Variants in ADGRG5 observed in about 807,000 individuals in gnomAD.
The protein encoded by ADGRG5 is G protein-coupled receptor 114.
In ADGRG5, 37 loss-of-function variants were observed where a neutral mutation model predicts 53.2. That is an observed-to-expected ratio of 0.70 (90% CI 0.53 to 0.91). The LOEUF (loss-of-function observed/expected upper bound fraction) is 0.91, where lower values mean the gene tolerates loss of function less well. Among genes scored for constraint, ADGRG5 ranks in the 40% least tolerant of loss-of-function variants. The pLI is 0.00. For synonymous variants in ADGRG5, 277 were observed against 290.4 expected, an observed-to-expected ratio of 0.95 and a Z score of 0.47; for missense variants, 614 against 675.8, an observed-to-expected ratio of 0.91 and a Z score of 1.01.
upstream of ADGRG5, among the ~76,000 whole-genome samples, chr16:57,538,920 A>G (rs1307546586): frequency 6.6e-6 from 1 of 152,188 alleles, no homozygotes; most frequent in Non-Finnish European, 1.5e-5. Flanking sequence ...AACTTGCCAC[A>G]AATAGAAAAA....
intron 1 of ADGRG5, among the ~76,000 whole-genome samples, chr16:57,551,968 C>T (rs145463771): frequency 1.5e-4 from 23 of 152,244 alleles, no homozygotes; most frequent in Non-Finnish European, 3.2e-4. Context: ...TGTGCATCTC[C>T]ATCAGAGCTC....
At chr16:57,536,263 A>G in the ADGRG5 span, among the ~76,000 whole-genome samples, 2 of 118,276 alleles carry the variant, frequency 1.7e-5, no homozygotes, top group Non-Finnish European at 3.7e-5. Flanking sequence ...CCCCTCCCCC[A>G]TCACCCCGCG....
At chr16:57,562,530 CTCT>C in intron 3 of ADGRG5, 71 bp downstream of exon 3, 2 of 996,794 alleles carry the variant, frequency 2.0e-6, no homozygotes, top group Non-Finnish European at 3.0e-6. Flanking sequence ...CTAATGTAGA[CTCT>C]TAACTGTGCA....
At chr16:57,572,974 C>G (rs1285234206) in intron 10 of ADGRG5, among the ~76,000 whole-genome samples, 1 of 152,218 alleles carries the variant, frequency 6.6e-6, no homozygotes, top group Non-Finnish European at 1.5e-5. Context: ...AGCTTTGCCT[C>G]TAACTGGACT....
At chr16:57,531,416 T>A in the ADGRG5 span, among the ~76,000 whole-genome samples, 1 of 152,034 alleles carries the variant, frequency 6.6e-6, no homozygotes, top group South Asian at 2.1e-4. Flanking sequence ...TCCACCTTCT[T>A]TGTCCACAGT....
intron 1 of ADGRG5, among the ~76,000 whole-genome samples, chr16:57,544,716 TA>T (rs2032575030): frequency 6.6e-6 from 1 of 152,200 alleles, no homozygotes; most frequent in Admixed American, 6.5e-5. Flanking sequence ...GGGCCTGAGT[TA>T]TCTCTCCTGA....
intron 6 of ADGRG5, chr16:57,566,352 G>A (rs73547039): frequency 0.021 from 8,238 of 386,214 alleles, 611 homozygotes; most frequent in African/African-American, 0.15. Flanking sequence ...ACATGGGTAC[G>A]AATGATCCTA....
At chr16:57,567,621 C>A (rs1385356091) in intron 8 of ADGRG5, 30 bp downstream of exon 8, 1 of 1,603,574 alleles carries the variant, frequency 6.2e-7, no homozygotes, top group Admixed American at 1.7e-5. Context: ...CTGGGCCTGC[C>A]CTGCACTGTG....
chr16:57,565,757 C>T lies in ADGRG5; in HGVS notation c.546+607C>T, dbSNP rs147181927. On this transcript the variant is annotated intron_variant, in intron 6 of 11. Transcript: ENST00000349457. ...CCAGGGACTGGGGTGAAGGAGTGAG[C>T]TCCTAGGGTAAGTGCAGATGCTGAT... 1,153 of 152,836 alleles carry T rather than the reference C, an allele frequency of 7.5e-3. 4 individuals carry two copies. Among genetic ancestry groups the T allele is most frequent in the Non-Finnish European group, 0.012 (854 of 68,480 alleles). 9.5% of individuals were successfully genotyped at this position (152,836 alleles called of 1,614,324 possible).
chr16:57,567,645 C>T (rs1267779403), intron 8 of ADGRG5, 54 bp downstream of exon 8: 1 of 1,588,856 alleles, frequency 6.3e-7, no homozygotes, highest in East Asian at 2.2e-5. Flanking sequence ...CATCACGCTT[C>T]CTTGTGTCCC....
At chr16:57,558,195 T>G (rs1158451316) in intron 1 of ADGRG5, among the ~76,000 whole-genome samples, 1 of 152,192 alleles carries the variant, frequency 6.6e-6, no homozygotes, top group Non-Finnish European at 1.5e-5. Context: ...TCTTGAACTC[T>G]TGGGCTCAAA....
intron 1 of ADGRG5, among the ~76,000 whole-genome samples, chr16:57,543,961 C>G (rs2032555483): frequency 6.6e-6 from 1 of 152,138 alleles, no homozygotes; most frequent in Admixed American, 6.5e-5. Context: ...AGGTCAGGTG[C>G]CTGCCCAGTG....
the ADGRG5 span, among the ~76,000 whole-genome samples, chr16:57,534,689 A>G: frequency 6.6e-6 from 1 of 152,006 alleles, no homozygotes; most frequent in East Asian, 1.9e-4. Flanking sequence ...AGGTGGTACC[A>G]CTCTTAGGGG....
At chr16:57,569,652 CA>C (rs1350416684) in intron 9 of ADGRG5, among the ~76,000 whole-genome samples, 2 of 151,302 alleles carry the variant, frequency 1.3e-5, no homozygotes, top group Non-Finnish European at 2.9e-5. Flanking sequence ...TCATCACCAT[CA>C]TCACCTCCTC....
At chr16:57,569,052 T>C (rs1443453591) in intron 9 of ADGRG5, among the ~76,000 whole-genome samples, 99 of 59,498 alleles carry the variant, frequency 1.7e-3, no homozygotes, top group East Asian at 2.4e-3. Flanking sequence ...CCACCTCCGT[T>C]ATCGCCATCA....
At chr16:57,530,097 T>C in the ADGRG5 span, among the ~76,000 whole-genome samples, 1 of 152,186 alleles carries the variant, frequency 6.6e-6, no homozygotes, top group Admixed American at 6.5e-5. Flanking sequence ...CTGGGGATGA[T>C]GATGGAAACA....
intron 5 of ADGRG5, among the ~76,000 whole-genome samples, chr16:57,564,321 T>C (rs1416943359): frequency 6.6e-6 from 1 of 151,812 alleles, no homozygotes; most frequent in Non-Finnish European, 1.5e-5. Flanking sequence ...GATTTTTTTT[T>C]TTTTTTTTGG....
At position 57,575,577 on chromosome 16, in the gene ADGRG5, C is replaced by A; in HGVS notation, c.*39C>A. On this transcript the variant is annotated 3_prime_UTR_variant, in exon 12 of 12. Coordinates refer to ENST00000349457, the MANE Select transcript of ADGRG5 (RefSeq NM_001304376.3). ...GCCTGGAATCCTCAGCCTCTCTGGC[C>A]GCCAGTAGCCTGAGGCTACGGCTCC... 1 of 1,516,724 alleles carries A rather than the reference C, an allele frequency of 6.6e-7. No individual in the cohort carries two copies. The highest frequency in any genetic ancestry group is 9.2e-7 in the Non-Finnish European group (1 of 1,092,326). The allele number at this position is 1,516,724 out of a possible 1,614,324, so 94.0% of individuals were successfully genotyped here. A position where few individuals can be genotyped will look rare whatever the true frequency, so the allele number is the denominator to read the frequency against.
intron 1 of ADGRG5, among the ~76,000 whole-genome samples, chr16:57,556,047 C>T (rs1043419648): frequency 1.3e-5 from 2 of 152,188 alleles, no homozygotes; most frequent in Non-Finnish European, 2.9e-5. Context: ...AAGGTCTCCC[C>T]AGCCATGCCT....
Sources: allele counts gnomAD v4.1 joint callset (sites outside exome capture counted in the v4.1 genomes callset), GRCh38; gene constraint gnomAD v4.1.1; transcripts MANE v1.5; gene names NCBI Gene and HGNC (gene_info 2026-07-23, HGNC 2026-07-21).